Variants in MAP4K3 observed in about 807,000 individuals in gnomAD.
The protein encoded by MAP4K3 is mitogen-activated protein kinase kinase kinase kinase 3.
A neutral mutation model predicts 143.5 loss-of-function variants in MAP4K3; 94 were observed. That is an observed-to-expected ratio of 0.65 (90% CI 0.55 to 0.78). The LOEUF is 0.78. Among genes scored for constraint, MAP4K3 ranks in the 30% least tolerant of loss-of-function variants. The pLI is 0.00. For missense variants in MAP4K3, 1,077 were observed against 1,068.1 expected (o/e 1.01, Z -0.12); for synonymous variants, 416 against 347.2 (o/e 1.20, Z -2.20).
intron 31 of MAP4K3, 85 bp from the exon 32 acceptor site, chr2:39,254,605 C>A: frequency 1.1e-6 from 1 of 909,948 alleles, no homozygotes; most frequent in Non-Finnish European, 1.7e-6. Context: ...TCTCATACAG[C>A]AATATTTCAA....
intron 3 of MAP4K3, among the ~76,000 whole-genome samples, chr2:39,351,700 G>A (rs569874079): frequency 3.9e-5 from 6 of 152,196 alleles, no homozygotes; most frequent in Middle Eastern, 3.4e-3. Flanking sequence ...ACAGAGTCTC[G>A]CTCTGTCACT....
chr2:39,403,525 G>A (rs1667010284), intron 1 of MAP4K3, among the ~76,000 whole-genome samples: 1 of 152,104 alleles, frequency 6.6e-6, no homozygotes, highest in African/African-American at 2.4e-5. Flanking sequence ...ACCCGACCAT[G>A]GAGGGAGTAT....
chr2:39,398,415 T>A (rs993296609), intron 1 of MAP4K3, among the ~76,000 whole-genome samples: 16 of 151,908 alleles, frequency 1.1e-4, no homozygotes, highest in Non-Finnish European at 1.8e-4. Flanking sequence ...GCCTTTTGCA[T>A]AAAGTCTAAA....
chr2:39,386,587 G>A (rs1480626599), intron 1 of MAP4K3, among the ~76,000 whole-genome samples: 1 of 152,092 alleles, frequency 6.6e-6, no homozygotes, highest in African/African-American at 2.4e-5. Flanking sequence ...AAGGTGTACA[G>A]TTTAAGTTTA....
intron 24 of MAP4K3, among the ~76,000 whole-genome samples, chr2:39,277,846 G>A (rs941335511): frequency 3.3e-5 from 5 of 151,694 alleles, no homozygotes; most frequent in East Asian, 3.9e-4. Flanking sequence ...GATTACAGGC[G>A]TGAGCCACCA....
At chr2:39,424,177 C>G (rs1296084330) in intron 1 of MAP4K3, among the ~76,000 whole-genome samples, 2 of 152,160 alleles carry the variant, frequency 1.3e-5, no homozygotes, top group Non-Finnish European at 2.9e-5. Flanking sequence ...CTCCTGACCT[C>G]AGGTGATCCA....
intron 24 of MAP4K3, among the ~76,000 whole-genome samples, chr2:39,277,626 G>A (rs560387937): frequency 2.0e-3 from 303 of 152,020 alleles, no homozygotes; most frequent in African/African-American, 6.9e-3. Flanking sequence ...GTGCAATGGC[G>A]TAATCTCGGC....
chr2:39,413,646 C>A (rs1667290860), intron 1 of MAP4K3, among the ~76,000 whole-genome samples: 1 of 151,862 alleles, frequency 6.6e-6, no homozygotes, highest in Non-Finnish European at 1.5e-5. Context: ...AGAAAGTGAA[C>A]ACAATCAGAA....
At chr2:39,409,957 T>C (rs902890853) in intron 1 of MAP4K3, among the ~76,000 whole-genome samples, 1 of 152,148 alleles carries the variant, frequency 6.6e-6, no homozygotes, top group African/African-American at 2.4e-5. Flanking sequence ...GGAATGAAAA[T>C]AGCAGAAAGG....
At chr2:39,309,280 C>A (rs543869483) in intron 14 of MAP4K3, among the ~76,000 whole-genome samples, 181 bp downstream of exon 14, 1 of 152,246 alleles carries the variant, frequency 6.6e-6, no homozygotes, top group East Asian at 1.9e-4. Flanking sequence ...CACACTGCCA[C>A]GTCAACTAAG....
At chr2:39,266,230 G>A (rs896829044) in intron 27 of MAP4K3, among the ~76,000 whole-genome samples, 2 of 152,142 alleles carry the variant, frequency 1.3e-5, no homozygotes, top group South Asian at 2.1e-4. Context: ...AGCTGTTCTC[G>A]CTTCCTGTTA....
chr2:39,306,748 C>T (rs1296282291), intron 15 of MAP4K3, among the ~76,000 whole-genome samples: 1 of 152,224 alleles, frequency 6.6e-6, no homozygotes, highest in Non-Finnish European at 1.5e-5. Context: ...ACAGAGCCAG[C>T]ATCTGGTCCC....
intron 31 of MAP4K3, among the ~76,000 whole-genome samples, chr2:39,257,039 T>A (rs1680368164): frequency 6.6e-6 from 1 of 152,256 alleles, no homozygotes; most frequent in African/African-American, 2.4e-5. Flanking sequence ...TGACTTATTA[T>A]AATCATTTGT....
intron 32 of MAP4K3, among the ~76,000 whole-genome samples, chr2:39,253,259 G>C (rs1405371788): frequency 6.6e-6 from 1 of 152,072 alleles, no homozygotes; most frequent in African/African-American, 2.4e-5. Context: ...AGCCTCTCCC[G>C]AGTAGCTGGG....
intron 15 of MAP4K3, among the ~76,000 whole-genome samples, chr2:39,301,956 G>A (rs892304403): frequency 3.3e-5 from 5 of 151,966 alleles, no homozygotes; most frequent in African/African-American, 4.8e-5. Flanking sequence ...CCCGGGAGGC[G>A]GAGGTTGCAG....
intron 1 of MAP4K3, among the ~76,000 whole-genome samples, chr2:39,387,474 C>A (rs1666536426): frequency 6.6e-6 from 1 of 152,168 alleles, no homozygotes; most frequent in Non-Finnish European, 1.5e-5. Flanking sequence ...TTTTAAAAGT[C>A]ACACGTGGCT....
chr2:39,299,622 C>T (rs1682425887), intron 16 of MAP4K3, 121 bp downstream of exon 16: 1 of 453,892 alleles, frequency 2.2e-6, no homozygotes, highest in Admixed American at 4.1e-5. Context: ...AGGTGAAATG[C>T]ATATTGTAAA....
intron 8 of MAP4K3, among the ~76,000 whole-genome samples, chr2:39,331,278 C>T (rs1236910961): frequency 6.6e-6 from 1 of 152,108 alleles, no homozygotes; most frequent in East Asian, 1.9e-4. Flanking sequence ...TATCATCATA[C>T]TGCTTAATAT....
chr2:39,295,394 T>G (rs1682229646), intron 16 of MAP4K3, among the ~76,000 whole-genome samples: 1 of 151,952 alleles, frequency 6.6e-6, no homozygotes. Flanking sequence ...TTTTGAATAC[T>G]ATAAATATTG....
Sources: allele counts gnomAD v4.1 joint callset (sites outside exome capture counted in the v4.1 genomes callset), GRCh38; gene constraint gnomAD v4.1.1; transcripts MANE v1.5; gene names NCBI Gene and HGNC (gene_info 2026-07-23, HGNC 2026-07-21).